Variants in CNTN4 observed in about 807,000 individuals in gnomAD.
CNTN4 encodes the protein contactin-4.
A neutral mutation model predicts 122.5 loss-of-function variants in CNTN4; 77 were observed. That is an observed-to-expected ratio of 0.63 (90% confidence interval 0.52 to 0.76). The LOEUF (loss-of-function observed/expected upper bound fraction) is 0.76. CNTN4 is among the 30% of genes least tolerant of loss of function. The pLI is 0.00. For missense variants in CNTN4, 1,256 were observed against 1,259.1 expected, an observed-to-expected ratio of 1.00 and a Z score of 0.04; for synonymous variants, 512 against 447.0, an observed-to-expected ratio of 1.15 and a Z score of -1.83.
At chr3:3,055,154 G>A (rs1284791923) in intron 24 of CNTN4, among the ~76,000 whole-genome samples, 1 of 152,036 alleles carries the variant, frequency 6.6e-6, no homozygotes, top group Non-Finnish European at 1.5e-5. Flanking sequence ...GGGGACAATT[G>A]GATTATACTT....
intron 2 of CNTN4, among the ~76,000 whole-genome samples, chr3:2,220,659 A>G (rs987567255): frequency 1.3e-5 from 2 of 152,138 alleles, no homozygotes; most frequent in African/African-American, 4.8e-5. Flanking sequence ...GATCATCTGA[A>G]AAAAGGAAAT....
At chr3:2,916,806 C>T (rs375831598) in intron 12 of CNTN4, among the ~76,000 whole-genome samples, 4 of 150,438 alleles carry the variant, frequency 2.7e-5, no homozygotes, top group Admixed American at 6.6e-5. Context: ...ACCTCCCAGA[C>T]GGGGCCGCCG....
intron 2 of CNTN4, among the ~76,000 whole-genome samples, chr3:2,187,744 C>A (rs961935177): frequency 1.1e-4 from 16 of 152,132 alleles, no homozygotes; most frequent in African/African-American, 3.9e-4. Context: ...CCACCTTATG[C>A]CGCTAGCCTT....
rs559264658 is a variant in CNTN4 at position 2,649,781 on chromosome 3, C to T, written c.55+78223C>T. ...ACATAGTGACTTCTCTGATGGATCT[C>T]GGCAAAGTAAATTGAAACTCTTCTA... is the stretch of plus-strand genomic sequence containing the variant. On this transcript the variant is annotated intron_variant, in intron 4 of 24. Coordinates refer to ENST00000418658, the MANE Select transcript of CNTN4 (RefSeq NM_175607.3). Among the ~76,000 whole-genome samples the T allele has an allele frequency of 9.9e-5, 15 of 151,904 alleles. No homozygotes were observed. The East Asian group carries it at 1.2e-3, about 12-fold the overall frequency.
At chr3:2,642,299 T>C (rs939655130) in intron 4 of CNTN4, among the ~76,000 whole-genome samples, 1 of 152,190 alleles carries the variant, frequency 6.6e-6, no homozygotes, top group Non-Finnish European at 1.5e-5. Context: ...TGCCTGCTTT[T>C]ATTCCGGCTG....
chr3:2,550,899 A>G (rs573515283), intron 3 of CNTN4, among the ~76,000 whole-genome samples: 2 of 152,222 alleles, frequency 1.3e-5, no homozygotes, highest in South Asian at 4.2e-4. Context: ...GAGTTGAACA[A>G]TGAGAACCCA....
intron 3 of CNTN4, among the ~76,000 whole-genome samples, chr3:2,388,063 G>A (rs189188602): frequency 6.6e-6 from 1 of 152,294 alleles, no homozygotes; most frequent in African/African-American, 2.4e-5. Flanking sequence ...ATTTAGCTTA[G>A]TAGAGCTAGA....
chr3:2,448,273 A>G (rs753590177), intron 3 of CNTN4, among the ~76,000 whole-genome samples: 7 of 152,216 alleles, frequency 4.6e-5, no homozygotes, highest in Non-Finnish European at 8.8e-5. Context: ...AAGCATCATG[A>G]ATCAGAATCT....
intron 13 of CNTN4, among the ~76,000 whole-genome samples, chr3:2,943,258 T>C (rs2094634795): frequency 6.6e-6 from 1 of 152,070 alleles, no homozygotes. Context: ...GAGTCTCAAG[T>C]TTTTCCTGAT....
At chr3:3,001,320 C>T (rs921058898) in intron 14 of CNTN4, among the ~76,000 whole-genome samples, 7 of 152,188 alleles carry the variant, frequency 4.6e-5, no homozygotes, top group Non-Finnish European at 7.3e-5. Context: ...CTTCACTCTT[C>T]CAGGAGAAAG....
chr3:2,751,317 C>T (rs1016305885), intron 6 of CNTN4, among the ~76,000 whole-genome samples: 2 of 151,608 alleles, frequency 1.3e-5, no homozygotes, highest in African/African-American at 2.4e-5. Flanking sequence ...GACTCCGTCT[C>T]AAAAAATAAA....
intron 6 of CNTN4, among the ~76,000 whole-genome samples, chr3:2,791,348 A>G (rs1460370296): frequency 1.3e-5 from 2 of 152,058 alleles, no homozygotes; most frequent in African/African-American, 4.8e-5. Context: ...CCTGTGCAAC[A>G]TGGCGAAACC....
At chr3:2,118,975 C>T (rs2033548672) in intron 2 of CNTN4, among the ~76,000 whole-genome samples, 1 of 152,168 alleles carries the variant, frequency 6.6e-6, no homozygotes, top group Non-Finnish European at 1.5e-5. Context: ...TATATGTCAA[C>T]CAGGCTAGGT....
chr3:2,250,910 G>T (rs138182547), intron 2 of CNTN4, among the ~76,000 whole-genome samples: 145 of 151,896 alleles, frequency 9.5e-4, no homozygotes, highest in African/African-American at 3.3e-3. Context: ...ATGAAGAAAA[G>T]AAGAGATCAT....
At position 2,928,632 on chromosome 3, in the gene CNTN4, ATAT is replaced by A. The variant is rs1294113544; in HGVS notation, c.1358+2859_1358+2861del. On this transcript the variant is annotated intron_variant, in intron 13 of 24. Transcript: ENST00000418658. ...GCAAGTCTTTAACCTTTGATTAAAA[ATAT>A]TATTAATCCCTTAAGTAAAAAATAC... Among the ~76,000 whole-genome samples, 3 of 152,206 alleles carry A rather than the reference ATAT, an allele frequency of 2.0e-5. No individual in the cohort carries two copies. In the South Asian group the frequency reaches 6.2e-4, roughly 31 times the overall value.
rs1380134662 is a variant in CNTN4 at position 2,571,449 on chromosome 3, A to C, written c.-55A>C. The C allele has an allele frequency of 9.0e-6, 11 of 1,224,038 alleles. No homozygotes were observed. In the Admixed American group the frequency reaches 1.7e-4, roughly 19 times the overall value. The allele number at this position is 1,224,038 out of a possible 1,614,324, so 75.8% of individuals were successfully genotyped here. A position where few individuals can be genotyped will look rare whatever the true frequency, so the allele number is the denominator to read the frequency against. Reference sequence around the variant, plus strand: ...TTATACAAAACTTAAAAGAAGCAGCAATTCTATTCGCTTGTTATTGGACTT... The same window carrying C: ...TTATACAAAACTTAAAAGAAGCAGCCATTCTATTCGCTTGTTATTGGACTT... On this transcript the variant is annotated 5_prime_UTR_variant, in exon 4 of 25. Transcript: ENST00000418658.
chr3:2,558,703 A>G (rs1344450988), intron 3 of CNTN4, among the ~76,000 whole-genome samples: 4 of 152,172 alleles, frequency 2.6e-5, no homozygotes, highest in Admixed American at 6.5e-5. Flanking sequence ...AATTTCCTAA[A>G]TATGATATAC....
At chr3:2,921,291 C>T (rs2094427628) in intron 12 of CNTN4, among the ~76,000 whole-genome samples, 1 of 152,212 alleles carries the variant, frequency 6.6e-6, no homozygotes, top group Admixed American at 6.5e-5. Context: ...CCCGCCTTGG[C>T]CTCCCAAAGT....
intron 4 of CNTN4, among the ~76,000 whole-genome samples, chr3:2,576,767 C>T (rs1355385597): frequency 6.6e-6 from 1 of 152,058 alleles, no homozygotes; most frequent in Non-Finnish European, 1.5e-5. Context: ...AGGCTGGTCT[C>T]GAACTCTTAA....
Sources: allele counts gnomAD v4.1 joint callset (sites outside exome capture counted in the v4.1 genomes callset), GRCh38; gene constraint gnomAD v4.1.1; transcripts MANE v1.5; gene names NCBI Gene and HGNC (gene_info 2026-07-23, HGNC 2026-07-21).